HPS1: variants seen among roughly 807,000 people sequenced by gnomAD.
HPS1 encodes HPS1 biogenesis of lysosomal organelles complex 3 subunit 1, also known as BLOC-3 complex member HPS1.
A neutral mutation model predicts 90.6 loss-of-function variants in HPS1; 59 were observed. That is an observed-to-expected ratio of 0.65 (90% CI 0.53 to 0.81). HPS1 has a LOEUF of 0.81. HPS1 is among the 30% of genes least tolerant of loss of function. HPS1 has a pLI of 0.00. For synonymous variants in HPS1, 388 were observed against 384.4 expected (o/e 1.01, Z -0.11); for missense variants, 849 against 896.7 (o/e 0.95, Z 0.68).
At chr10:98,430,423 T>A (rs1846265641) in intron 8 of HPS1, 148 bp downstream of exon 8, 1 of 703,496 alleles carries the variant, frequency 1.4e-6, no homozygotes, top group Non-Finnish European at 2.6e-6. Flanking sequence ...CTGAAAGCAG[T>A]GGGAAAGAAG....
At chr10:98,441,291 G>C (rs1938373894) in intron 3 of HPS1, among the ~76,000 whole-genome samples, 1 of 152,128 alleles carries the variant, frequency 6.6e-6, no homozygotes, top group South Asian at 2.1e-4. Flanking sequence ...AAGTATTTCT[G>C]AGTTGTAATG....
In HPS1 at chr10:98,434,460, C is replaced by T. The variant is rs111606620; in HGVS notation, c.399-369G>A. Reference sequence around the variant, plus strand: ...GCCCTACTCAGGGTCGCAGCCATCTCGGATGCTGGCAACGTCTGCACTGGC... The same window carrying T: ...GCCCTACTCAGGGTCGCAGCCATCTTGGATGCTGGCAACGTCTGCACTGGC... On this transcript the variant is annotated intron_variant, in intron 5 of 19. Coordinates refer to ENST00000361490, the MANE Select transcript of HPS1 (RefSeq NM_000195.5). Among the ~76,000 whole-genome samples, 947 of 149,990 alleles carry T rather than the reference C, an allele frequency of 6.3e-3. 19 individuals carry two copies. The highest frequency in any genetic ancestry group is 0.021 in the African/African-American group (851 of 40,652).
Position 98,417,849 on chromosome 10 carries a change from A to C in HPS1, c.1941-123T>G. The C allele has an allele frequency of 1.1e-6, 1 of 913,412 alleles. No individual in the cohort carries two copies. Among genetic ancestry groups the C allele is most frequent in the South Asian group, 1.5e-5 (1 of 65,808 alleles). 56.6% of individuals were successfully genotyped at this position (913,412 alleles called of 1,614,324 possible). ...CTCGGTCATCTCACTAGGCCCCTGC[A>C]TGTGGGCCTTGACAACCGCTCCGGT... On this transcript the variant is annotated intron_variant, in intron 19 of 19. Transcript: ENST00000361490. This position sits in a 1 kb window ranked among gnomAD's most constrained non-coding sequence, Gnocchi z 4.2.
chr10:98,416,090 C>T (rs568236803), downstream of HPS1: 5 of 152,410 alleles, frequency 3.3e-5, no homozygotes, highest in African/African-American at 1.2e-4. Context: ...CTATTGGTAA[C>T]GAATCTCAGA....
chr10:98,434,093 TG>T lies in HPS1; in HGVS notation c.399-3del, dbSNP rs755587725. 7.1e-6 allele frequency: 11 copies of T among 1,548,724 alleles called. No individual in the cohort carries two copies. In the South Asian group the frequency reaches 1.1e-4, roughly 15 times the overall value. On this transcript the variant is annotated splice_polypyrimidine_tract_variant and splice_region_variant and intron_variant, in intron 5 of 19. Coordinates refer to ENST00000361490, the MANE Select transcript of HPS1 (RefSeq NM_000195.5). The stretch of plus-strand genomic sequence containing the variant: ...TGCGCCAGGTCTGGGGGCCGCAGCC[TG>T]GGGGCAGAGCCAGAGAGGGCGGGAG...
At chr10:98,419,932 A>G (rs1844631273) in intron 18 of HPS1, 113 bp downstream of exon 18, 1 of 826,108 alleles carries the variant, frequency 1.2e-6, no homozygotes, top group South Asian at 1.3e-5. Context: ...CTTACCAGCA[A>G]CAAGAAGAGA....
intron 17 of HPS1, among the ~76,000 whole-genome samples, chr10:98,421,859 C>T (rs1277871676): frequency 3.3e-5 from 5 of 152,094 alleles, no homozygotes; most frequent in East Asian, 1.9e-4. Context: ...TGGTGGGAGA[C>T]GGGGCTGGGC....
chr10:98,434,016 G>A lies in HPS1; in HGVS notation c.474C>T (p.Arg158=). Residue 158 remains arginine (R), a synonymous_variant, in exon 6 of 20, where the codon CGC becomes CGT. Coordinates refer to ENST00000361490, the MANE Select transcript of HPS1 (RefSeq NM_000195.5). ...CGAAGCACTGCTCCTGCTCCCGCAG[G>A]CGGCTGTAGGTCCACAGCAGGCTCT... ...HFQSLLWTYS[R]LREQEQCFAV... The A allele has an allele frequency of 6.4e-7, 1 of 1,558,684 alleles. No individual in the cohort carries two copies. The highest frequency in any genetic ancestry group is 1.4e-5 in the African/African-American group (1 of 73,698).
At chr10:98,438,022 C>T (rs1487959601) in intron 3 of HPS1, among the ~76,000 whole-genome samples, 2 of 152,188 alleles carry the variant, frequency 1.3e-5, no homozygotes, top group East Asian at 1.9e-4. Context: ...TTCCTGCTGC[C>T]TTGCGAAGAA....
chr10:98,430,693 A>G (rs1475110316), intron 7 of HPS1, 23 bp from the exon 8 acceptor site: 1 of 1,538,940 alleles, frequency 6.5e-7, no homozygotes, highest in East Asian at 2.4e-5. Context: ...GAGCATGGCC[A>G]CCCATCAGCA....
chr10:98,414,964 T>A (rs2147900), downstream of HPS1: 1 of 1,595,832 alleles, frequency 6.3e-7, no homozygotes, highest in Non-Finnish European at 8.6e-7. Flanking sequence ...AGCAGGGCTG[T>A]CTTCCCGCCC....
At chr10:98,421,493 T>A (rs1844844229) in intron 17 of HPS1, among the ~76,000 whole-genome samples, 1 of 152,234 alleles carries the variant, frequency 6.6e-6, no homozygotes, top group Non-Finnish European at 1.5e-5. Context: ...TATAAAGAGT[T>A]AATGGCATGA....
intron 19 of HPS1, 93 bp downstream of exon 19, chr10:98,418,082 G>A (rs1844343195): frequency 1.2e-6 from 1 of 833,894 alleles, no homozygotes; most frequent in Admixed American, 2.1e-5. Flanking sequence ...CTGAGGTAGG[G>A]CACTGCTGAA....
chr10:98,443,078 G>T, intron 3 of HPS1, 46 bp downstream of exon 3: 1 of 1,333,316 alleles, frequency 7.5e-7, no homozygotes, highest in Non-Finnish European at 1.1e-6. Flanking sequence ...GTTTTGTATG[G>T]TTCCTTCCTA....
chr10:98,431,007 AG>A (rs2136210773), intron 7 of HPS1, 123 bp downstream of exon 7: 1 of 978,900 alleles, frequency 1.0e-6, no homozygotes, highest in Non-Finnish European at 1.6e-6. Flanking sequence ...AAATCTGGGA[AG>A]GTTTCAGGCT....
At chr10:98,425,478 G>A in intron 13 of HPS1, 63 bp downstream of exon 13, 1 of 1,524,630 alleles carries the variant, frequency 6.6e-7, no homozygotes. Flanking sequence ...CTGTGGACCG[G>A]ATGTACCCTG....
chr10:98,434,787 C>T (rs769453473), intron 5 of HPS1, among the ~76,000 whole-genome samples: 2 of 152,140 alleles, frequency 1.3e-5, no homozygotes, highest in Non-Finnish European at 2.9e-5. Flanking sequence ...AACCATGATT[C>T]TCTTTCCCCA....
intron 7 of HPS1, among the ~76,000 whole-genome samples, 187 bp downstream of exon 7, chr10:98,430,944 T>G (rs1179597425): frequency 6.6e-6 from 1 of 152,184 alleles, no homozygotes; most frequent in African/African-American, 2.4e-5. Context: ...AAGACAGTGT[T>G]CCAGGAAGGA....
intron 16 of HPS1, among the ~76,000 whole-genome samples, chr10:98,423,360 T>C (rs1327161020): frequency 3.3e-5 from 5 of 151,216 alleles, no homozygotes; most frequent in Non-Finnish European, 5.9e-5. Context: ...AGGGTCTTTA[T>C]GGCTTTTGTG....
Sources: gnomAD v4.1 joint callset for allele counts (sites outside exome capture counted in the v4.1 genomes callset) on GRCh38, gnomAD v4.1.1 for gene constraint, Gnocchi (gnomAD v3.1) non-coding constraint, MANE v1.5 for transcripts, NCBI Gene and HGNC (gene_info 2026-07-23, HGNC 2026-07-21) for gene names.